ACACA: variants seen among roughly 807,000 people sequenced by gnomAD.
ACACA encodes the protein acetyl-CoA carboxylase alpha.
A neutral mutation model predicts 296.1 loss-of-function variants in ACACA; 103 were observed. The ratio of observed to expected loss-of-function variants is 0.35; its 90% confidence interval spans 0.30 to 0.41. The LOEUF (loss-of-function observed/expected upper bound fraction) is 0.41, where lower values mean the gene tolerates loss of function less well. Among genes scored for constraint, ACACA ranks in the 10% least tolerant of loss-of-function variants. The pLI is 1.00. For synonymous variants in ACACA, 953 were observed against 1,038.6 expected (o/e 0.92, Z 1.58); for missense variants, 1,554 against 2,989.7 (o/e 0.52, Z 11.20).
At position 37,276,051 on chromosome 17, in the gene ACACA, TA is replaced by T; in HGVS notation, c.803-3del. On this transcript the variant is annotated splice_region_variant and splice_polypyrimidine_tract_variant and intron_variant, in intron 7 of 55. Transcript: ENST00000616317. ...CCCACATGGCCTGGCTTGGAGGACC[TA>T]AAAACGAAACAGGAAAAGAATCCTG... 1 of 1,612,968 alleles carries T rather than the reference TA, an allele frequency of 6.2e-7. No individual in the cohort carries two copies. The highest frequency in any genetic ancestry group is 1.1e-5 in the South Asian group (1 of 91,074).
intron 41 of ACACA, among the ~76,000 whole-genome samples, chr17:37,169,440 A>C (rs2076803683): frequency 6.6e-6 from 1 of 152,236 alleles, no homozygotes; most frequent in Non-Finnish European, 1.5e-5. Context: ...AAAATAAAAA[A>C]GGGTTACAAC....
chr17:37,258,479 A>G, intron 12 of ACACA, 106 bp from the exon 13 acceptor site: 5 of 1,070,528 alleles, frequency 4.7e-6, no homozygotes, highest in Non-Finnish European at 7.0e-6. Context: ...CCACTCCCTA[A>G]AACATTCTAT....
intron 41 of ACACA, among the ~76,000 whole-genome samples, chr17:37,166,476 C>T (rs1283389857): frequency 1.3e-5 from 2 of 152,126 alleles, no homozygotes; most frequent in African/African-American, 4.8e-5. Context: ...TACTTAACAC[C>T]AAGGGCTTAG....
At chr17:37,095,694 A>G (rs2072943952) in intron 54 of ACACA, among the ~76,000 whole-genome samples, 1 of 152,236 alleles carries the variant, frequency 6.6e-6, no homozygotes, top group Non-Finnish European at 1.5e-5. Context: ...ACAGACAAAT[A>G]TATTTTGAGC....
chr17:37,404,325 T>C lies in ACACA; in HGVS notation c.38+1937A>G, dbSNP rs554898405. 1.1e-3 allele frequency among the ~76,000 whole-genome samples: 175 copies of C among 152,308 alleles called. 1 individual carries two copies. The highest frequency in any genetic ancestry group is 4.2e-3 in the African/African-American group (173 of 41,572). On this transcript the variant is annotated intron_variant, in intron 1 of 55. Transcript: ENST00000616317. ...TGTACAGCTATAGGTGAAACACTAA[T>C]GTTAATCAACTATCTGTTGAACAAC... is the stretch of plus-strand genomic sequence containing the variant.
intron 29 of ACACA, among the ~76,000 whole-genome samples, chr17:37,216,790 T>A (rs1257980693): frequency 6.6e-6 from 1 of 150,650 alleles, no homozygotes; most frequent in Non-Finnish European, 1.5e-5. Flanking sequence ...ATAAGTAAGA[T>A]ACAGGTCTTC....
intron 52 of ACACA, 104 bp from the exon 53 acceptor site, chr17:37,098,088 T>C: frequency 7.0e-7 from 1 of 1,419,226 alleles, no homozygotes. Flanking sequence ...CTGCCCCCTC[T>C]TCCCTCTGTG....
At chr17:37,315,606 A>G (rs1262851436) in intron 3 of ACACA, among the ~76,000 whole-genome samples, 2 of 152,170 alleles carry the variant, frequency 1.3e-5, no homozygotes, top group African/African-American at 2.4e-5. Context: ...CTCGTGTTTG[A>G]TAATTTGCTA....
At chr17:37,273,706 G>C (rs2082160095) in intron 9 of ACACA, among the ~76,000 whole-genome samples, 1 of 152,180 alleles carries the variant, frequency 6.6e-6, no homozygotes, top group Admixed American at 6.5e-5. Flanking sequence ...CTGGTGTTTA[G>C]TTTACAAATC....
chr17:37,330,440 A>T lies in ACACA; in HGVS notation c.86-15T>A, dbSNP rs754872758. 3.1e-6 allele frequency: 5 copies of T among 1,614,064 alleles called. No individual in the cohort carries two copies. Among genetic ancestry groups the T allele is most frequent in the Non-Finnish European group, 1.7e-6 (2 of 1,180,010 alleles). ...AGCTCTTACAGCTATGGAGAAAATG[A>T]AAAGTGAGAAAGGCAGGTTATGAAT... On this transcript the variant is annotated splice_polypyrimidine_tract_variant and intron_variant, in intron 2 of 55. Transcript: ENST00000616317.
chr17:37,130,768 AAGTC>A, intron 45 of ACACA, among the ~76,000 whole-genome samples: 1 of 152,192 alleles, frequency 6.6e-6, no homozygotes, highest in African/African-American at 2.4e-5. Context: ...CATTGTGTGC[AAGTC>A]TCTTTGCACA....
At chr17:37,143,711 T>C in intron 45 of ACACA, 1 of 901,296 alleles carries the variant, frequency 1.1e-6, no homozygotes, top group African/African-American at 1.6e-5. Flanking sequence ...TTCATCTTCC[T>C]CCTCCTCATC....
intron 3 of ACACA, among the ~76,000 whole-genome samples, chr17:37,316,068 T>C (rs948308786): frequency 2.6e-5 from 4 of 152,118 alleles, no homozygotes; most frequent in Non-Finnish European, 5.9e-5. Context: ...CCAAGGGCTT[T>C]AGGAACTGTG....
intron 41 of ACACA, among the ~76,000 whole-genome samples, chr17:37,178,639 A>G (rs1444930201): frequency 6.6e-6 from 1 of 152,152 alleles, no homozygotes; most frequent in Non-Finnish European, 1.5e-5. Flanking sequence ...ATCTCAAGAA[A>G]AAAATACAAA....
chr17:37,381,868 CTG>C (rs1568082212), intron 1 of ACACA, among the ~76,000 whole-genome samples: 5 of 151,504 alleles, frequency 3.3e-5, no homozygotes, highest in Non-Finnish European at 7.4e-5. Flanking sequence ...ACCTTGTGAT[CTG>C]CCCGCCTTGG....
At chr17:37,376,505 G>T (rs1431851996) in intron 1 of ACACA, among the ~76,000 whole-genome samples, 1 of 152,184 alleles carries the variant, frequency 6.6e-6, no homozygotes. Flanking sequence ...CCTTTTTTAA[G>T]TTGGTACATG....
intron 39 of ACACA, among the ~76,000 whole-genome samples, chr17:37,187,067 T>C (rs1003432196): frequency 1.3e-5 from 2 of 152,194 alleles, no homozygotes; most frequent in African/African-American, 4.8e-5. Context: ...AAAATGTCTT[T>C]AAAGTTGCAC....
intron 3 of ACACA, among the ~76,000 whole-genome samples, chr17:37,286,715 A>G (rs2082791896): frequency 6.6e-6 from 1 of 152,144 alleles, no homozygotes; most frequent in Admixed American, 6.5e-5. Flanking sequence ...CAACCTTGCC[A>G]TGCTCACTCA....
chr17:37,341,954 G>C (rs757675314), intron 1 of ACACA, among the ~76,000 whole-genome samples: 11 of 152,046 alleles, frequency 7.2e-5, no homozygotes, highest in Non-Finnish European at 1.3e-4. Flanking sequence ...TCTCCAGAAA[G>C]AGGACTAAAA....
Sources: gnomAD v4.1 joint callset for allele counts (sites outside exome capture counted in the v4.1 genomes callset) on GRCh38, gnomAD v4.1.1 for gene constraint, MANE v1.5 for transcripts, NCBI Gene and HGNC (gene_info 2026-07-23, HGNC 2026-07-21) for gene names.